Variants in EYS observed in about 807,000 individuals in gnomAD.
EYS encodes EGF-like photoreceptor maintenance factor.
Under a neutral mutation model 282.1 loss-of-function variants are expected in EYS, and 250 were observed. The ratio of observed to expected loss-of-function variants is 0.89; its 90% CI spans 0.80 to 0.98. EYS has a LOEUF of 0.98. EYS is among the 50% of genes least tolerant of loss of function. The pLI is 0.00. For missense variants in EYS, 4,016 were observed against 3,709.0 expected (o/e 1.08, Z -2.15); for synonymous variants, 1,355 against 1,282.9 (o/e 1.06, Z -1.20).
At chr6:63,744,976 GT>G (rs1562006014) in intron 41 of EYS, 1 of 435,188 alleles carries the variant, frequency 2.3e-6, no homozygotes, top group East Asian at 7.6e-5. Flanking sequence ...CACCAAAAAT[GT>G]TGGATAAATT....
At chr6:65,094,257 A>G (rs185747824) in intron 12 of EYS, among the ~76,000 whole-genome samples, 26 of 150,792 alleles carry the variant, frequency 1.7e-4, no homozygotes, top group African/African-American at 6.3e-4. Flanking sequence ...AAACAGACAG[A>G]AAAAAATCAC....
At chr6:64,135,491 A>C (rs978323709) in intron 31 of EYS, among the ~76,000 whole-genome samples, 1 of 151,886 alleles carries the variant, frequency 6.6e-6, no homozygotes, top group African/African-American at 2.4e-5. Context: ...TTTTAAAATA[A>C]ATAATTAAAC....
At chr6:65,128,303 A>G (rs908110917) in intron 12 of EYS, among the ~76,000 whole-genome samples, 1 of 151,990 alleles carries the variant, frequency 6.6e-6, no homozygotes, top group Non-Finnish European at 1.5e-5. Context: ...ACACCTATTC[A>G]ATATAGTATT....
chr6:64,398,505 TACACAC>T (rs3046625), intron 28 of EYS, among the ~76,000 whole-genome samples: 2 of 150,514 alleles, frequency 1.3e-5, no homozygotes, highest in Non-Finnish European at 3.0e-5. Flanking sequence ...TGTCAGGTTT[TACACAC>T]ACACACACAC....
At chr6:63,855,230 T>TTTAG (rs1772361377) in intron 36 of EYS, among the ~76,000 whole-genome samples, 2 of 152,202 alleles carry the variant, frequency 1.3e-5, no homozygotes, top group Admixed American at 1.3e-4. Context: ...ACAATATCAC[T>TTTAG]TTAGACTGGT....
intron 22 of EYS, among the ~76,000 whole-genome samples, chr6:64,795,411 T>A (rs80042610): frequency 0.02 from 3,069 of 152,078 alleles, 102 homozygotes; most frequent in African/African-American, 0.07. Context: ...AGGAACACCA[T>A]TCTTGGTTGG....
chr6:63,739,571 G>T (rs971011687), intron 41 of EYS, among the ~76,000 whole-genome samples: 3 of 152,174 alleles, frequency 2.0e-5, no homozygotes, highest in Non-Finnish European at 4.4e-5. Context: ...AAAAGTTGAG[G>T]AAGTGAGTAC....
chr6:64,817,776 C>T (rs1039444738), intron 21 of EYS, among the ~76,000 whole-genome samples: 10 of 152,226 alleles, frequency 6.6e-5, no homozygotes, highest in African/African-American at 2.4e-4. Flanking sequence ...CTGTGAAGGA[C>T]ATGACTCATT....
intron 11 of EYS, among the ~76,000 whole-genome samples, chr6:65,332,827 A>G (rs1769845235): frequency 1.3e-5 from 2 of 151,338 alleles, no homozygotes; most frequent in South Asian, 4.1e-4. Context: ...TTTACTTGTT[A>G]TAGGTTAGAT....
chr6:65,117,062 G>A (rs1775397210), intron 12 of EYS, among the ~76,000 whole-genome samples: 1 of 152,138 alleles, frequency 6.6e-6, no homozygotes, highest in East Asian at 1.9e-4. Flanking sequence ...GTGAGTAGGT[G>A]ATATGAATCA....
intron 26 of EYS, among the ~76,000 whole-genome samples, chr6:64,494,452 T>C (rs531697687): frequency 1.6e-4 from 25 of 151,690 alleles, no homozygotes; most frequent in Non-Finnish European, 3.0e-4. Context: ...CTGTGTACAG[T>C]TGTTTGTTTC....
chr6:63,879,765 G>A (rs1421771773), intron 35 of EYS, among the ~76,000 whole-genome samples: 2 of 152,150 alleles, frequency 1.3e-5, no homozygotes, highest in Non-Finnish European at 2.9e-5. Context: ...CCATACAACT[G>A]TTGTTATTGT....
chr6:64,125,175 T>TCTCTCGCGCGCGCG (rs1562213596), intron 31 of EYS, among the ~76,000 whole-genome samples: 2 of 150,306 alleles, frequency 1.3e-5, no homozygotes, highest in African/African-American at 5.0e-5. Flanking sequence ...TCTCTCTCTC[T>TCTCTCGCGCGCGCG]CGCTCTCTCT....
intron 29 of EYS, among the ~76,000 whole-genome samples, chr6:64,311,419 T>C (rs1038685336): frequency 9.9e-5 from 15 of 152,234 alleles, no homozygotes; most frequent in African/African-American, 2.9e-4. Context: ...CACGTGCTGC[T>C]GTGATTTCTC....
At chr6:65,547,333 T>C (rs1488717957) in intron 2 of EYS, among the ~76,000 whole-genome samples, 1 of 151,828 alleles carries the variant, frequency 6.6e-6, no homozygotes, top group African/African-American at 2.4e-5. Flanking sequence ...TCTTCTAATG[T>C]TGGTCATAGA....
At position 65,421,419 on chromosome 6, in the gene EYS, T is replaced by C. The variant is rs967286260; in HGVS notation, c.863-16052A>G. ...TAGAGTCTTGCTCTGGATTAGGTTTTGGCTTGAGGAAATGTTGTGGCTGGT... is the reference window on the plus strand; with the variant it reads ...TAGAGTCTTGCTCTGGATTAGGTTTCGGCTTGAGGAAATGTTGTGGCTGGT... On this transcript the variant is annotated intron_variant, in intron 5 of 42. Coordinates refer to ENST00000503581, the MANE Select transcript of EYS (RefSeq NM_001142800.2). Among the ~76,000 whole-genome samples, 17 of 151,910 alleles carry C rather than the reference T, an allele frequency of 1.1e-4. No homozygotes were observed. The East Asian group carries it at 2.7e-3, about 24-fold the overall frequency.
intron 29 of EYS, among the ~76,000 whole-genome samples, chr6:64,327,007 G>T (rs76725821): frequency 0.031 from 4,735 of 152,230 alleles, 232 homozygotes; most frequent in African/African-American, 0.11. Context: ...ACCAGATGTG[G>T]ATGGGGCCCA....
chr6:64,765,799 C>A (rs997815971), intron 22 of EYS, among the ~76,000 whole-genome samples: 4 of 152,048 alleles, frequency 2.6e-5, no homozygotes, highest in African/African-American at 9.7e-5. Context: ...AAATCTGCCC[C>A]CCATGATCCA....
At chr6:64,460,277 T>C (rs779978107) in intron 26 of EYS, among the ~76,000 whole-genome samples, 1 of 152,224 alleles carries the variant, frequency 6.6e-6, no homozygotes, top group African/African-American at 2.4e-5. Flanking sequence ...ATTTATGCTA[T>C]AATGATTATC....
Sources: allele counts gnomAD v4.1 joint callset (sites outside exome capture counted in the v4.1 genomes callset), GRCh38; gene constraint gnomAD v4.1.1; transcripts MANE v1.5; gene names NCBI Gene and HGNC (gene_info 2026-07-23, HGNC 2026-07-21).